The following SNX6 variants were observed in gnomAD, a reference collection of about 807,000 sequenced individuals.
SNX6 encodes sorting nexin-6.
A neutral mutation model predicts 63.0 loss-of-function variants in SNX6; 34 were observed. The observed-to-expected ratio is 0.54, with a 90% confidence interval of 0.41 to 0.72. The LOEUF (loss-of-function observed/expected upper bound fraction) is 0.72, where lower values mean the gene tolerates loss of function less well. SNX6 is among the 30% of genes least tolerant of loss of function. The probability of loss-of-function intolerance (pLI) is 0.00; values close to 1 mark genes in which losing one functional copy is unlikely to be tolerated. For missense variants in SNX6, 398 were observed against 471.4 expected (o/e 0.84, Z 1.44); for synonymous variants, 170 against 164.2 (o/e 1.04, Z -0.27).
chr14:34,598,225 CTT>C (rs1882674382), intron 6 of SNX6, among the ~76,000 whole-genome samples: 1 of 152,172 alleles, frequency 6.6e-6, no homozygotes, highest in Non-Finnish European at 1.5e-5. Flanking sequence ...GCAGCTAACT[CTT>C]TGACTCCTAG....
chr14:34,578,710 G>A (rs867115888), intron 10 of SNX6, among the ~76,000 whole-genome samples: 18 of 150,502 alleles, frequency 1.2e-4, no homozygotes, highest in Admixed American at 4.6e-4. Flanking sequence ...GGAGGCCAAG[G>A]TGAGCGGATC....
intron 8 of SNX6, among the ~76,000 whole-genome samples, chr14:34,589,453 AAAAACAAAAACAC>A (rs1200064871): frequency 2.0e-5 from 3 of 152,152 alleles, no homozygotes; most frequent in African/African-American, 7.2e-5. Context: ...TCTGTCTCAC[AAAAACAAAAACAC>A]AAAACAAAAC....
At chr14:34,617,040 C>T (rs1247822875) in intron 2 of SNX6, among the ~76,000 whole-genome samples, 1 of 152,090 alleles carries the variant, frequency 6.6e-6, no homozygotes, top group African/African-American at 2.4e-5. Flanking sequence ...CGAGATCGCA[C>T]CACTGCACTC....
At chr14:34,580,446 T>G (rs965114153) in intron 10 of SNX6, among the ~76,000 whole-genome samples, 1 of 149,334 alleles carries the variant, frequency 6.7e-6, no homozygotes, top group Admixed American at 6.7e-5. Context: ...GGACTACAGT[T>G]GTGCGCCACC....
At chr14:34,569,018 T>A in intron 11 of SNX6, 1 of 1,464,062 alleles carries the variant, frequency 6.8e-7, no homozygotes, top group Non-Finnish European at 9.6e-7. Context: ...GCCAGCAGCT[T>A]GACGGTGTCC....
chr14:34,605,846 C>A, intron 4 of SNX6, 129 bp from the exon 5 acceptor site: 11 of 1,139,570 alleles, frequency 9.7e-6, no homozygotes, highest in South Asian at 9.6e-5. Flanking sequence ...CCAGGAACAC[C>A]CAAATTCAGA....
intron 10 of SNX6, among the ~76,000 whole-genome samples, chr14:34,579,900 C>T (rs1292165230): frequency 5.9e-5 from 9 of 151,698 alleles, no homozygotes; most frequent in African/African-American, 2.2e-4. Context: ...AAAAAAGGGG[C>T]TGGGCCGAGC....
At chr14:34,623,083 C>G (rs1231950916) in intron 2 of SNX6, among the ~76,000 whole-genome samples, 1 of 152,182 alleles carries the variant, frequency 6.6e-6, no homozygotes, top group Non-Finnish European at 1.5e-5. Context: ...CTGTGATGGT[C>G]TCAGGGCAGG....
intron 11 of SNX6, among the ~76,000 whole-genome samples, chr14:34,570,539 G>A (rs993926781): frequency 6.6e-6 from 1 of 150,414 alleles, no homozygotes; most frequent in Non-Finnish European, 1.5e-5. Context: ...CTCCACCTCA[G>A]CCTCCCAAGT....
intron 7 of SNX6, among the ~76,000 whole-genome samples, chr14:34,594,629 T>C (rs143060776): frequency 0.01 from 1,546 of 152,250 alleles, 11 homozygotes; most frequent in Non-Finnish European, 0.018. Flanking sequence ...CCCAAAGTGT[T>C]AGGATTACAG....
intron 2 of SNX6, among the ~76,000 whole-genome samples, chr14:34,612,922 G>A (rs2138365981): frequency 6.6e-6 from 1 of 151,846 alleles, no homozygotes; most frequent in Admixed American, 6.6e-5. Flanking sequence ...GGTGGTGCAT[G>A]CCTATAATCC....
At chr14:34,609,805 TAAGAC>T (rs1422987847) in intron 2 of SNX6, 63 bp from the exon 3 acceptor site, 9 of 1,158,812 alleles carry the variant, frequency 7.8e-6, no homozygotes, top group Non-Finnish European at 1.1e-5. Flanking sequence ...TTTTTTCTCT[TAAGAC>T]AATGCAAAAA....
At chr14:34,624,579 T>G (rs535210063) in intron 2 of SNX6, among the ~76,000 whole-genome samples, 1 of 145,786 alleles carries the variant, frequency 6.9e-6, no homozygotes, top group African/African-American at 2.8e-5. Flanking sequence ...GGGTGGATCA[T>G]GAAGTCAAGA....
At chr14:34,595,805 CA>C (rs968849406) in intron 7 of SNX6, among the ~76,000 whole-genome samples, 13 of 152,212 alleles carry the variant, frequency 8.5e-5, no homozygotes, top group African/African-American at 2.6e-4. Context: ...GATGACAAAG[CA>C]GCATTCTTTT....
At chr14:34,565,225 C>T (rs539089042) in intron 13 of SNX6, among the ~76,000 whole-genome samples, 1 of 151,302 alleles carries the variant, frequency 6.6e-6, no homozygotes. Flanking sequence ...CTACAGGCGC[C>T]CGCCACCACG....
intron 9 of SNX6, 34 bp downstream of exon 9, chr14:34,586,196 C>A: frequency 1.4e-6 from 2 of 1,439,048 alleles, no homozygotes; most frequent in South Asian, 2.3e-5. Context: ...CCACCGCGCC[C>A]AGCCTATTTC....
intron 8 of SNX6, among the ~76,000 whole-genome samples, chr14:34,586,702 C>A (rs1463357134): frequency 7.0e-6 from 1 of 141,852 alleles, no homozygotes; most frequent in African/African-American, 2.6e-5. Flanking sequence ...AGCAAGACTC[C>A]GTCTCAAACA....
chr14:34,574,873 CTTTT>C (rs1881623993), intron 11 of SNX6, among the ~76,000 whole-genome samples: 1 of 146,958 alleles, frequency 6.8e-6, no homozygotes, highest in Admixed American at 6.7e-5. Context: ...CTGCTTTTTT[CTTTT>C]TCTTTGTTTT....
At chr14:34,564,523 G>T (rs1178280461) in intron 13 of SNX6, among the ~76,000 whole-genome samples, 1 of 151,978 alleles carries the variant, frequency 6.6e-6, no homozygotes, top group Non-Finnish European at 1.5e-5. Flanking sequence ...AGGTCAGAAA[G>T]AACTTGAAAA....
Sources: gnomAD v4.1 joint callset for allele counts (sites outside exome capture counted in the v4.1 genomes callset) on GRCh38, gnomAD v4.1.1 for gene constraint, MANE v1.5 for transcripts, NCBI Gene and HGNC (gene_info 2026-07-23, HGNC 2026-07-21) for gene names.